GDPD1: variants seen among roughly 807,000 people sequenced by gnomAD.
GDPD1 encodes glycerophosphodiester phosphodiesterase domain containing 1.
In GDPD1, 28 loss-of-function variants were observed where a neutral mutation model predicts 45.1. The observed-to-expected ratio is 0.62, with a 90% CI of 0.46 to 0.85. The LOEUF is 0.85. GDPD1 is among the 40% of genes least tolerant of loss of function. The pLI, the probability that GDPD1 is intolerant of heterozygous loss-of-function variation, is 0.00. For synonymous variants in GDPD1, 139 were observed against 131.4 expected (o/e 1.06, Z -0.40); for missense variants, 256 against 364.8 (o/e 0.70, Z 2.43).
intron 8 of GDPD1, among the ~76,000 whole-genome samples, chr17:59,271,502 C>T (rs2047443661): frequency 6.6e-6 from 1 of 152,076 alleles, no homozygotes; most frequent in Admixed American, 6.6e-5. Context: ...TAGTAAAAAT[C>T]ACTAAATAAT....
chr17:59,223,489 G>T (rs1393486261), intron 1 of GDPD1, among the ~76,000 whole-genome samples: 1 of 152,184 alleles, frequency 6.6e-6, no homozygotes, highest in African/African-American at 2.4e-5. Context: ...ATGTAACTAG[G>T]AAGGAATCAC....
chr17:59,267,277 A>G, intron 7 of GDPD1, 103 bp downstream of exon 7: 1 of 1,059,088 alleles, frequency 9.4e-7, no homozygotes, highest in Non-Finnish European at 1.4e-6. Context: ...AGATTTCTGT[A>G]GTGATTTCCA....
chr17:59,247,400 C>A (rs1000220547), intron 3 of GDPD1, among the ~76,000 whole-genome samples: 1 of 152,114 alleles, frequency 6.6e-6, no homozygotes, highest in Non-Finnish European at 1.5e-5. Flanking sequence ...TTCCCTCATC[C>A]CCTGCCAACC....
rs892057823 is a variant in GDPD1 at position 59,243,370 on chromosome 17, G to T, written c.186-2044G>T. On this transcript the variant is annotated intron_variant, in intron 2 of 9. Transcript: ENST00000284116. Reference sequence around the variant, plus strand: ...AAAATACAAAAATTAGGTGGGCATGGTGGGGCACCTGTAATCCCAGCTACT... The same window carrying T: ...AAAATACAAAAATTAGGTGGGCATGTTGGGGCACCTGTAATCCCAGCTACT... Among the ~76,000 whole-genome samples the T allele has an allele frequency of 2.6e-5, 4 of 152,268 alleles. No individual in the cohort carries two copies. In the East Asian group the frequency reaches 5.8e-4, roughly 22 times the overall value.
chr17:59,262,773 G>A (rs1325853750), intron 6 of GDPD1, among the ~76,000 whole-genome samples: 1 of 151,432 alleles, frequency 6.6e-6, no homozygotes, highest in South Asian at 2.1e-4. Flanking sequence ...GATTACAGGC[G>A]CCCGCCACTA....
At chr17:59,238,733 C>T (rs1199407860) in intron 2 of GDPD1, among the ~76,000 whole-genome samples, 1 of 152,096 alleles carries the variant, frequency 6.6e-6, no homozygotes, top group East Asian at 1.9e-4. Flanking sequence ...TCATTAGGAG[C>T]AGGAATCTTT....
rs2047473319 is a variant in GDPD1 at position 59,275,231 on chromosome 17, GA to G, written c.*1464del. The stretch of plus-strand genomic sequence containing the variant: ...TTAGTTAAAGAGGAAAAATAAAACG[GA>G]AAAAAGCTTGGAAATCAGTGATGTG... On this transcript the variant is annotated 3_prime_UTR_variant, in exon 10 of 10. Transcript: ENST00000284116. 7.2e-6 allele frequency: 11 copies of G among 1,523,220 alleles called. No individual in the cohort carries two copies. The East Asian group carries it at 2.5e-4, about 34-fold the overall frequency. 94.4% of individuals were successfully genotyped at this position (1,523,220 alleles called of 1,614,324 possible).
intron 3 of GDPD1, among the ~76,000 whole-genome samples, chr17:59,247,850 G>A (rs2047224358): frequency 6.6e-6 from 1 of 151,970 alleles, no homozygotes; most frequent in Non-Finnish European, 1.5e-5. Context: ...GGCTGGTCTC[G>A]AACTCCTGGC....
intron 6 of GDPD1, among the ~76,000 whole-genome samples, chr17:59,264,286 C>G (rs1484187867): frequency 6.6e-6 from 1 of 151,862 alleles, no homozygotes; most frequent in Non-Finnish European, 1.5e-5. Flanking sequence ...AGGCATGAGC[C>G]ACTGTGCCCA....
chr17:59,235,905 A>G (rs1204154451), intron 2 of GDPD1, among the ~76,000 whole-genome samples: 1 of 151,860 alleles, frequency 6.6e-6, no homozygotes, highest in Non-Finnish European at 1.5e-5. Flanking sequence ...TATTTTCTCT[A>G]CTTGGATTAC....
chr17:59,252,309 G>C (rs1051699185), intron 4 of GDPD1, among the ~76,000 whole-genome samples: 11 of 151,774 alleles, frequency 7.2e-5, no homozygotes, highest in African/African-American at 2.7e-4. Context: ...CACAATCTCA[G>C]CTCACTGCAA....
chr17:59,230,446 G>T (rs1283778831), intron 1 of GDPD1, among the ~76,000 whole-genome samples: 1 of 141,668 alleles, frequency 7.1e-6, no homozygotes, highest in Admixed American at 7.4e-5. Context: ...GCAATGGCGC[G>T]ATCTTGGCTC....
chr17:59,237,026 T>A (rs2047137332), intron 2 of GDPD1, among the ~76,000 whole-genome samples: 1 of 152,208 alleles, frequency 6.6e-6, no homozygotes, highest in Admixed American at 6.5e-5. Flanking sequence ...TGTTAACTGC[T>A]AGGAAACTTA....
intron 9 of GDPD1, 39 bp from the exon 10 acceptor site, chr17:59,273,612 A>G: frequency 8.3e-7 from 1 of 1,201,632 alleles, no homozygotes; most frequent in East Asian, 2.4e-5. Context: ...TTTCTATTTT[A>G]ACATTTCTTC....
chr17:59,231,324 CT>C (rs557850341), intron 1 of GDPD1, among the ~76,000 whole-genome samples: 135 of 114,394 alleles, frequency 1.2e-3, no homozygotes, highest in Middle Eastern at 4.7e-3. Context: ...TTCTTTCTTT[CT>C]TTTTTTTTTT....
intron 7 of GDPD1, among the ~76,000 whole-genome samples, chr17:59,269,787 C>T (rs987801767): frequency 6.6e-6 from 1 of 152,122 alleles, no homozygotes; most frequent in Admixed American, 6.6e-5. Context: ...AGCGCCATTG[C>T]ACTCCAGCCT....
At chr17:59,240,181 C>T (rs916811571) in intron 2 of GDPD1, among the ~76,000 whole-genome samples, 2 of 151,868 alleles carry the variant, frequency 1.3e-5, no homozygotes, top group African/African-American at 2.4e-5. Context: ...GTTCCAGCTA[C>T]TCAGAAGGCT....
intron 1 of GDPD1, among the ~76,000 whole-genome samples, chr17:59,224,404 C>T (rs192759853): frequency 1.1e-4 from 17 of 152,162 alleles, no homozygotes; most frequent in Admixed American, 2.6e-4. Context: ...GGGCGGATCA[C>T]GGAGTCAGGA....
rs773811999 is a variant in GDPD1, at chr17:59,267,070, A to G, written c.606A>G (p.Leu202=). 1 of 1,612,920 alleles carries G rather than the reference A, an allele frequency of 6.2e-7. No individual in the cohort carries two copies. Among genetic ancestry groups the G allele is most frequent in the Admixed American group, 1.7e-5 (1 of 60,020 alleles). The change falls in exon 7 of 10, where the codon CTA becomes CTG. Residue 202 remains leucine (L), a synonymous_variant. Coordinates refer to ENST00000284116, the MANE Select transcript of GDPD1 (RefSeq NM_182569.4). ...ENSDIPILFS[L]QRVLLILGLF... ...CAGATATTCCTATACTCTTCAGTCTACAACGTGTCCTGCTCATTCTTGGCC... is the reference window on the plus strand; with the variant it reads ...CAGATATTCCTATACTCTTCAGTCTGCAACGTGTCCTGCTCATTCTTGGCC...
Sources: gnomAD v4.1 joint callset for allele counts (sites outside exome capture counted in the v4.1 genomes callset) on GRCh38, gnomAD v4.1.1 for gene constraint, MANE v1.5 for transcripts, NCBI Gene and HGNC (gene_info 2026-07-23, HGNC 2026-07-21) for gene names.